The following RSPO2 variants were observed in gnomAD, a reference collection of about 807,000 sequenced individuals.
The protein encoded by RSPO2 is R-spondin-2.
In RSPO2, 14 loss-of-function variants were observed where a neutral mutation model predicts 30.9. The observed-to-expected ratio is 0.45, with a 90% CI of 0.30 to 0.71. The LOEUF is 0.71. Ranked by LOEUF, RSPO2 falls within the 30% of genes least tolerant of loss-of-function variation. The pLI is 0.08. For missense variants in RSPO2, 264 were observed against 301.9 expected (o/e 0.87, Z 0.93); for synonymous variants, 107 against 96.4 (o/e 1.11, Z -0.64).
chr8:107,917,597 C>A (rs1812021178), intron 5 of RSPO2, among the ~76,000 whole-genome samples: 1 of 152,122 alleles, frequency 6.6e-6, no homozygotes, highest in Admixed American at 6.6e-5. Context: ...CATTTTCTGG[C>A]CTAACTAATC....
At chr8:108,009,373 A>G (rs1377887883) in intron 2 of RSPO2, among the ~76,000 whole-genome samples, 1 of 152,214 alleles carries the variant, frequency 6.6e-6, no homozygotes, top group Non-Finnish European at 1.5e-5. Context: ...CTAAATGTCC[A>G]TGAATAAAAT....
chr8:108,003,359 A>G (rs1224010006), intron 2 of RSPO2, among the ~76,000 whole-genome samples: 1 of 122,496 alleles, frequency 8.2e-6, no homozygotes, highest in African/African-American at 3.1e-5. Context: ...GGGTTTCTCC[A>G]TGTTGGTCAG....
At chr8:107,944,924 CCT>C (rs1813008967) in intron 5 of RSPO2, among the ~76,000 whole-genome samples, 1 of 152,070 alleles carries the variant, frequency 6.6e-6, no homozygotes, top group Non-Finnish European at 1.5e-5. Flanking sequence ...ACCTGCCAGG[CCT>C]CTCTCCAAAC....
intron 2 of RSPO2, among the ~76,000 whole-genome samples, chr8:108,065,467 C>T (rs1812637127): frequency 6.6e-6 from 1 of 151,860 alleles, no homozygotes; most frequent in Admixed American, 6.6e-5. Context: ...AATAGGCATT[C>T]GTGTGAATTA....
chr8:108,073,744 T>A (rs1437932287), intron 2 of RSPO2, among the ~76,000 whole-genome samples: 1 of 152,264 alleles, frequency 6.6e-6, no homozygotes, highest in Non-Finnish European at 1.5e-5. Flanking sequence ...ACAACTATTG[T>A]CTTTGAGTAA....
At chr8:108,032,473 C>T (rs933446946) in intron 2 of RSPO2, among the ~76,000 whole-genome samples, 1 of 152,118 alleles carries the variant, frequency 6.6e-6, no homozygotes, top group Non-Finnish European at 1.5e-5. Context: ...ATCAATAATT[C>T]CAGTTTCTAT....
At position 107,900,908 on chromosome 8, in the gene RSPO2, T is replaced by A. The variant is rs1811437057; in HGVS notation, c.*167A>T. On this transcript the variant is annotated 3_prime_UTR_variant, in exon 6 of 6. Transcript: ENST00000276659. ...CAGTCTCCAGATTCAAATCAAAGCA[T>A]AAATAACACAGGGGCCATGCTGGTG... The A allele has an allele frequency of 3.0e-6, 2 of 673,988 alleles. No homozygotes were observed. Among genetic ancestry groups the A allele is most frequent in the Non-Finnish European group, 4.9e-6 (2 of 405,768 alleles). The allele number at this position is 673,988 out of a possible 1,614,324, so 41.8% of individuals were successfully genotyped here.
At chr8:107,967,659 T>C (rs1813851192) in intron 3 of RSPO2, among the ~76,000 whole-genome samples, 1 of 152,194 alleles carries the variant, frequency 6.6e-6, no homozygotes, top group African/African-American at 2.4e-5. Context: ...AGTCTGTTTA[T>C]AACCCAGTAG....
At chr8:108,064,477 C>T (rs1003547452) in intron 2 of RSPO2, among the ~76,000 whole-genome samples, 1 of 152,152 alleles carries the variant, frequency 6.6e-6, no homozygotes, top group Non-Finnish European at 1.5e-5. Context: ...AATGAGATAC[C>T]ATCTCACACC....
chr8:107,985,456 C>T (rs906448839), intron 3 of RSPO2, among the ~76,000 whole-genome samples: 4 of 151,964 alleles, frequency 2.6e-5, no homozygotes, highest in South Asian at 2.1e-4. Context: ...TATTTGCAAC[C>T]GTATTTAATG....
chr8:107,904,708 C>T (rs1811584637), intron 5 of RSPO2, among the ~76,000 whole-genome samples: 1 of 152,004 alleles, frequency 6.6e-6, no homozygotes, highest in South Asian at 2.1e-4. Context: ...ATGCCTGACT[C>T]TTAGTCTCTA....
At chr8:108,021,082 G>GA (rs1455110523) in intron 2 of RSPO2, among the ~76,000 whole-genome samples, 5 of 152,234 alleles carry the variant, frequency 3.3e-5, no homozygotes, top group African/African-American at 1.2e-4. Flanking sequence ...TGGTCTCCAG[G>GA]AACATACAGT....
At chr8:107,992,202 C>CACACACACACACAT (rs761066938) in intron 2 of RSPO2, among the ~76,000 whole-genome samples, 18 of 151,878 alleles carry the variant, frequency 1.2e-4, no homozygotes, top group African/African-American at 3.9e-4. Flanking sequence ...CACACACACA[C>CACACACACACACAT]ACCATGGAAT....
intron 2 of RSPO2, among the ~76,000 whole-genome samples, chr8:108,039,665 C>G (rs1025361870): frequency 6.6e-6 from 1 of 152,154 alleles, no homozygotes; most frequent in Non-Finnish European, 1.5e-5. Context: ...CATCCAGCCT[C>G]CACTCTAGGC....
chr8:108,071,939 AC>A (rs970206368), intron 2 of RSPO2, among the ~76,000 whole-genome samples: 1 of 152,128 alleles, frequency 6.6e-6, no homozygotes, highest in Non-Finnish European at 1.5e-5. Flanking sequence ...AATACACTAG[AC>A]CAGCAAGGTG....
intron 2 of RSPO2, among the ~76,000 whole-genome samples, chr8:108,044,443 TTAAG>T (rs1486273130): frequency 6.6e-6 from 1 of 152,126 alleles, no homozygotes; most frequent in Non-Finnish European, 1.5e-5. Context: ...ATTCTCACTT[TTAAG>T]TAAGAACATG....
At chr8:107,917,768 C>T (rs1812024763) in intron 5 of RSPO2, among the ~76,000 whole-genome samples, 1 of 152,122 alleles carries the variant, frequency 6.6e-6, no homozygotes, top group Non-Finnish European at 1.5e-5. Context: ...TTATGTGGAA[C>T]TCCCATAATT....
At chr8:107,960,956 T>C in intron 3 of RSPO2, 139 bp from the exon 4 acceptor site, 1 of 649,032 alleles carries the variant, frequency 1.5e-6, no homozygotes, top group Non-Finnish European at 2.6e-6. Flanking sequence ...ACTCATTTGT[T>C]TCCTAGCGCC....
chr8:107,998,586 A>G (rs191820156), intron 2 of RSPO2, among the ~76,000 whole-genome samples: 17 of 152,328 alleles, frequency 1.1e-4, no homozygotes, highest in Admixed American at 1.1e-3. Context: ...TTGGATAGAA[A>G]ATAAATACCA....
Sources: allele counts gnomAD v4.1 joint callset (sites outside exome capture counted in the v4.1 genomes callset), GRCh38; gene constraint gnomAD v4.1.1; transcripts MANE v1.5; gene names NCBI Gene and HGNC (gene_info 2026-07-23, HGNC 2026-07-21).